ATXN7L1: variants seen among roughly 807,000 people sequenced by gnomAD.
ATXN7L1 encodes ataxin-7-like protein 1.
ATXN7L1 carries 15 observed loss-of-function variants against 70.8 expected under a neutral mutation model. The ratio of observed to expected loss-of-function variants is 0.21; its 90% confidence interval spans 0.14 to 0.33. The LOEUF is 0.33. Among genes scored for constraint, ATXN7L1 ranks in the 10% least tolerant of loss-of-function variants. The probability of loss-of-function intolerance (pLI) is 1.00; values close to 1 mark genes in which losing one functional copy is unlikely to be tolerated. For synonymous variants in ATXN7L1, 440 were observed against 445.1 expected (o/e 0.99, Z 0.14); for missense variants, 975 against 1,097.1 (o/e 0.89, Z 1.57).
At chr7:105,810,280 G>T (rs1808244704) in intron 2 of ATXN7L1, among the ~76,000 whole-genome samples, 1 of 152,224 alleles carries the variant, frequency 6.6e-6, no homozygotes, top group Non-Finnish European at 1.5e-5. Flanking sequence ...TGGCCTTGGA[G>T]CCAGGGAGAC....
chr7:105,801,903 C>T (rs1806872233), intron 2 of ATXN7L1, among the ~76,000 whole-genome samples: 1 of 152,118 alleles, frequency 6.6e-6, no homozygotes, highest in South Asian at 2.1e-4. Context: ...ATTGGCACAC[C>T]ACTGGTTCTC....
intron 2 of ATXN7L1, among the ~76,000 whole-genome samples, chr7:105,788,963 C>T (rs1183912157): frequency 2.0e-5 from 3 of 152,192 alleles, no homozygotes; most frequent in South Asian, 2.1e-4. Context: ...TCTGTGGTGT[C>T]GAGGGGCTGC....
chr7:105,637,744 G>A lies in ATXN7L1; in HGVS notation c.1202+609C>T, dbSNP rs574589370. Among the ~76,000 whole-genome samples the A allele has an allele frequency of 4.6e-5, 7 of 152,276 alleles. No homozygotes were observed. The South Asian group carries it at 1.2e-3, about 27-fold the overall frequency. On this transcript the variant is annotated intron_variant, in intron 7 of 11. Transcript: ENST00000419735. ...CATTTCTGTCCAGGACAACCACATAGAACCCCAAACAGGTGGCCCAGAAGA... is the reference window on the plus strand; with the variant it reads ...CATTTCTGTCCAGGACAACCACATAAAACCCCAAACAGGTGGCCCAGAAGA...
intron 2 of ATXN7L1, among the ~76,000 whole-genome samples, chr7:105,827,209 C>T (rs1810995737): frequency 6.6e-6 from 1 of 152,212 alleles, no homozygotes; most frequent in Admixed American, 6.5e-5. Flanking sequence ...AAACTGACTT[C>T]TCTTGTTGGA....
chr7:105,834,907 G>A (rs1812139153), intron 2 of ATXN7L1, among the ~76,000 whole-genome samples: 1 of 152,012 alleles, frequency 6.6e-6, no homozygotes, highest in South Asian at 2.1e-4. Flanking sequence ...CCAAAACCAG[G>A]GTCTTTCAGA....
chr7:105,651,970 T>C (rs1296671212), intron 4 of ATXN7L1, among the ~76,000 whole-genome samples: 2 of 152,288 alleles, frequency 1.3e-5, no homozygotes, highest in African/African-American at 4.8e-5. Flanking sequence ...TAGTCTCTCT[T>C]GTACTTCTGT....
chr7:105,673,453 G>A (rs983522539), intron 3 of ATXN7L1, among the ~76,000 whole-genome samples: 4 of 152,182 alleles, frequency 2.6e-5, no homozygotes, highest in African/African-American at 9.7e-5. Context: ...AAGCACACTT[G>A]GGCTTAGGCC....
At chr7:105,687,909 C>A (rs1306089560) in intron 3 of ATXN7L1, among the ~76,000 whole-genome samples, 1 of 152,166 alleles carries the variant, frequency 6.6e-6, no homozygotes, top group African/African-American at 2.4e-5. Context: ...CCACTCACCC[C>A]AAGGCTTTAG....
chr7:105,835,172 T>TTG (rs869278779), intron 2 of ATXN7L1, among the ~76,000 whole-genome samples: 1 of 103,364 alleles, frequency 9.7e-6, no homozygotes. Context: ...TTTTTTTTTT[T>TTG]GAGAAAGGGT....
At chr7:105,822,313 C>T (rs1019594785) in intron 2 of ATXN7L1, among the ~76,000 whole-genome samples, 1 of 152,158 alleles carries the variant, frequency 6.6e-6, no homozygotes, top group Admixed American at 6.5e-5. Flanking sequence ...AAACATAACA[C>T]CCTTGGAGCT....
chr7:105,736,195 T>C (rs1563051783), intron 3 of ATXN7L1, among the ~76,000 whole-genome samples: 1 of 152,208 alleles, frequency 6.6e-6, no homozygotes, highest in Admixed American at 6.5e-5. Context: ...AACAGTCCTA[T>C]CCATATTGGG....
At chr7:105,860,350 T>G (rs1816438299) in intron 2 of ATXN7L1, among the ~76,000 whole-genome samples, 1 of 152,068 alleles carries the variant, frequency 6.6e-6, no homozygotes, top group Admixed American at 6.6e-5. Context: ...CAAAGATGTC[T>G]GTGACTCTGC....
At chr7:105,608,322 T>C (rs1003375710) in intron 11 of ATXN7L1, among the ~76,000 whole-genome samples, 1 of 152,182 alleles carries the variant, frequency 6.6e-6, no homozygotes. Flanking sequence ...AGATTTTGGG[T>C]TCAAGTTACT....
At chr7:105,823,670 C>T (rs548757973) in intron 2 of ATXN7L1, among the ~76,000 whole-genome samples, 2 of 151,970 alleles carry the variant, frequency 1.3e-5, no homozygotes, top group South Asian at 2.1e-4. Flanking sequence ...ACCAAGACAC[C>T]CCTAAAATGA....
intron 4 of ATXN7L1, among the ~76,000 whole-genome samples, chr7:105,656,823 G>A (rs111565840): frequency 3.3e-5 from 5 of 152,230 alleles, no homozygotes; most frequent in South Asian, 2.1e-4. Flanking sequence ...CACCCGCCTC[G>A]GCCTCCCGTG....
chr7:105,624,806 T>C (rs1721485), intron 7 of ATXN7L1, among the ~76,000 whole-genome samples: 147,461 of 152,268 alleles, frequency 0.97, 71,579 homozygotes, highest in East Asian at 1. Context: ...GCCCCACTTG[T>C]TGTCCCTGGC....
intron 2 of ATXN7L1, among the ~76,000 whole-genome samples, chr7:105,850,211 G>A (rs1191829467): frequency 1.3e-5 from 2 of 152,230 alleles, no homozygotes; most frequent in Non-Finnish European, 2.9e-5. Context: ...GTGCCACCAC[G>A]TTTGCACACT....
At chr7:105,641,214 CTTTTTTTTTT>C (rs561100060) in intron 5 of ATXN7L1, among the ~76,000 whole-genome samples, 6 of 21,794 alleles carry the variant, frequency 2.8e-4, no homozygotes, top group Admixed American at 7.4e-4. Flanking sequence ...CTCTCTCTCT[CTTTTTTTTTT>C]TTTTTTTTTT....
At position 105,693,534 on chromosome 7, in the gene ATXN7L1, C is replaced by CCCAT. The variant is rs36181010; in HGVS notation, c.356-28250_356-28247dup. On this transcript the variant is annotated intron_variant, in intron 3 of 11. Coordinates refer to ENST00000419735, the MANE Select transcript of ATXN7L1 (RefSeq NM_020725.2). ...TGCTGGGTGGACTTAAATCTAATGC[C>CCCAT]CCATCCATCCATCCATCCATCCATC... 5.9e-3 allele frequency among the ~76,000 whole-genome samples: 824 copies of CCCAT among 139,674 alleles called. 5 individuals are homozygous for CCCAT. The highest frequency in any genetic ancestry group is 0.014 in the Middle Eastern group (4 of 288). 91.6% of individuals were successfully genotyped at this position (139,674 alleles called of 152,430 possible).
Sources: allele counts gnomAD v4.1 joint callset (sites outside exome capture counted in the v4.1 genomes callset), GRCh38; gene constraint gnomAD v4.1.1; transcripts MANE v1.5; gene names NCBI Gene and HGNC (gene_info 2026-07-23, HGNC 2026-07-21).